Variants in GALNT9 observed in about 807,000 individuals in gnomAD.
GALNT9 encodes GalNAc transferase 9.
In GALNT9, 47 loss-of-function variants were observed where a neutral mutation model predicts 63.1. The ratio of observed to expected loss-of-function variants is 0.75; its 90% CI spans 0.59 to 0.95. GALNT9 has a LOEUF of 0.95. Ranked by LOEUF, GALNT9 falls within the 40% of genes least tolerant of loss-of-function variation. The probability of loss-of-function intolerance (pLI) is 0.00; values close to 1 mark genes in which losing one functional copy is unlikely to be tolerated. For missense variants in GALNT9, 829 were observed against 874.8 expected, an observed-to-expected ratio of 0.95 and a Z score of 0.66; for synonymous variants, 396 against 365.7, an observed-to-expected ratio of 1.08 and a Z score of -0.94.
intron 2 of GALNT9, chr12:132,272,676 A>G (rs536240193): frequency 2.0e-5 from 3 of 152,236 alleles, no homozygotes; most frequent in Non-Finnish European, 2.9e-5. Context: ...TTTTACCCAT[A>G]ATACAGTACC....
chr12:132,197,334 GCT>G, intron 10 of GALNT9, 81 bp from the exon 11 acceptor site: 1 of 1,563,580 alleles, frequency 6.4e-7, no homozygotes, highest in East Asian at 2.3e-5. Flanking sequence ...GCTGCTTCGT[GCT>G]CTCAGCCCTC....
chr12:132,223,041 A>AGACACAC, intron 6 of GALNT9, among the ~76,000 whole-genome samples: 1 of 87,736 alleles, frequency 1.1e-5, no homozygotes, highest in South Asian at 4.3e-4. Flanking sequence ...TACCCCACAC[A>AGACACAC]CACAGACACA....
In GALNT9 at chr12:132,199,203, G is replaced by A. The variant is rs780539565; in HGVS notation, c.1468C>T (p.Leu490Phe). 1 of 1,603,602 alleles carries A rather than the reference G, an allele frequency of 6.2e-7. No individual in the cohort carries two copies. Among genetic ancestry groups the A allele is most frequent in the South Asian group, 1.1e-5 (1 of 91,064 alleles). Reference protein sequence around the residue: ...QGAEDGDRAILYPCHGMSSQL... With the variant: ...QGAEDGDRAIFYPCHGMSSQL... ...GAGGACATCCCGTGGCAGGGGTAGAGGATCGCCCGGTCGCCGTCCTCCGCT... is the reference window on the plus strand; with the variant it reads ...GAGGACATCCCGTGGCAGGGGTAGAAGATCGCCCGGTCGCCGTCCTCCGCT... The change falls in exon 9 of 11, where the codon CTC becomes TTC. Residue 490 changes from leucine (L) to phenylalanine (F), a missense_variant. Leu to Phe is a conservative substitution (Grantham distance 22). Transcript: ENST00000328957.
At chr12:132,285,127 C>A (rs1880538543) in intron 2 of GALNT9, among the ~76,000 whole-genome samples, 1 of 152,242 alleles carries the variant, frequency 6.6e-6, no homozygotes, top group African/African-American at 2.4e-5. Context: ...GCTGACCACA[C>A]CAGGAGCTGC....
chr12:132,197,280 C>G (rs1423031323), intron 10 of GALNT9, 27 bp from the exon 11 acceptor site: 4 of 1,606,372 alleles, frequency 2.5e-6, no homozygotes, highest in Non-Finnish European at 3.4e-6. Context: ...ATCAAGTCAG[C>G]CAGGTGCAGG....
Position 132,329,218 on chromosome 12 carries a change from C to G in GALNT9, c.-15G>C. The G allele has an allele frequency of 6.5e-7, 1 of 1,536,678 alleles. No individual in the cohort carries two copies. Among genetic ancestry groups the G allele is most frequent in the Non-Finnish European group, 8.8e-7 (1 of 1,136,954 alleles). Reference sequence around the variant, plus strand: ...GCCACCGCCATGAACACGGCTGCAGCGGGGGCCTCACCCGCGGGGCATCCC... The same window carrying G: ...GCCACCGCCATGAACACGGCTGCAGGGGGGGCCTCACCCGCGGGGCATCCC... On this transcript the variant is annotated 5_prime_UTR_variant, in exon 1 of 11. Transcript: ENST00000328957.
intron 8 of GALNT9, chr12:132,200,722 A>C: frequency 5.6e-6 from 1 of 178,308 alleles, no homozygotes; most frequent in Non-Finnish European, 1.2e-5. Flanking sequence ...CTCTGTACAC[A>C]CATCTAGGTG....
chr12:132,263,918 G>A (rs1391266436), intron 2 of GALNT9, among the ~76,000 whole-genome samples: 2 of 152,168 alleles, frequency 1.3e-5, no homozygotes, highest in Non-Finnish European at 2.9e-5. Flanking sequence ...GAGGCGTCTC[G>A]GGCCTGGCTG....
chr12:132,216,209 GGA>G (rs557049330), intron 6 of GALNT9, among the ~76,000 whole-genome samples: 34 of 152,220 alleles, frequency 2.2e-4, no homozygotes, highest in African/African-American at 7.9e-4. Flanking sequence ...AGACAGACAC[GGA>G]GAGAGAGACA....
intron 1 of GALNT9, among the ~76,000 whole-genome samples, chr12:132,306,813 C>G (rs868985617): frequency 6.6e-6 from 1 of 152,180 alleles, no homozygotes; most frequent in African/African-American, 2.4e-5. Flanking sequence ...GGCTCACTTC[C>G]GCGCACACCC....
chr12:132,213,080 C>G (rs1208736749), intron 6 of GALNT9, among the ~76,000 whole-genome samples: 37 of 87,088 alleles, frequency 4.2e-4, no homozygotes, highest in Non-Finnish European at 6.6e-4. Flanking sequence ...CCTCAGACCT[C>G]GACACGGAAA....
intron 8 of GALNT9, chr12:132,200,303 A>AG (rs1455082687): frequency 5.9e-5 from 9 of 152,226 alleles, no homozygotes; most frequent in Admixed American, 5.9e-4. Flanking sequence ...GACTGGGGAG[A>AG]GGGCAGAAGA....
intron 6 of GALNT9, among the ~76,000 whole-genome samples, chr12:132,215,666 G>A (rs1035278373): frequency 2.6e-5 from 4 of 152,218 alleles, no homozygotes; most frequent in Admixed American, 2.6e-4. Context: ...GGACACACAT[G>A]CCAACCAGCA....
In GALNT9 at chr12:132,296,404, C is replaced by T. The variant is rs1240444192; in HGVS notation, c.239-9974G>A. 2.6e-5 allele frequency among the ~76,000 whole-genome samples: 4 copies of T among 152,236 alleles called. No homozygotes were observed. Among genetic ancestry groups the T allele is most frequent in the Non-Finnish European group, 4.4e-5 (3 of 68,038 alleles). ...GATGGCCCAGCTGTGGGCTCTTCCCCGGATCTCATGGGTGTCTTCCTGGGC... is the reference window on the plus strand; with the variant it reads ...GATGGCCCAGCTGTGGGCTCTTCCCTGGATCTCATGGGTGTCTTCCTGGGC... On this transcript the variant is annotated intron_variant, in intron 1 of 10. Coordinates refer to ENST00000328957, the MANE Select transcript of GALNT9 (RefSeq NM_001122636.2). The surrounding 1 kb of genome is among the most constrained non-coding windows in gnomAD (Gnocchi z 4.2).
intron 1 of GALNT9, among the ~76,000 whole-genome samples, chr12:132,300,128 C>T (rs1555243701): frequency 2.7e-5 from 4 of 146,586 alleles, no homozygotes; most frequent in East Asian, 4.2e-4. Flanking sequence ...TCCCACCACA[C>T]CTAACCCATC....
chr12:132,297,904 TA>T (rs1264954300), intron 1 of GALNT9, among the ~76,000 whole-genome samples: 1 of 151,738 alleles, frequency 6.6e-6, no homozygotes, highest in East Asian at 1.9e-4. Flanking sequence ...ACTCCCATGA[TA>T]ACCAACTCAC....
chr12:132,253,763 T>G (rs1879011083), intron 5 of GALNT9, among the ~76,000 whole-genome samples: 1 of 152,196 alleles, frequency 6.6e-6, no homozygotes, highest in Non-Finnish European at 1.5e-5. Flanking sequence ...TGGTTATCCC[T>G]GCACCTAAAG....
At position 132,282,120 on chromosome 12, in the gene GALNT9, C is replaced by T. The variant is rs573548111; in HGVS notation, c.419+4130G>A. On this transcript the variant is annotated intron_variant, in intron 2 of 10. Transcript: ENST00000328957. This position sits in a 1 kb window ranked among gnomAD's most constrained non-coding sequence, Gnocchi z 4.5. ...AGGAATCAGCTCCACTACAGCAAGG[C>T]CAGGCCTGGGGGTCCCCGATCCCAC... 3.3e-5 allele frequency among the ~76,000 whole-genome samples: 5 copies of T among 150,158 alleles called. No individual in the cohort carries two copies. In the South Asian group the frequency reaches 6.4e-4, roughly 19 times the overall value.
rs1323787756 is a variant in GALNT9, at chr12:132,197,102, T to TG, written c.*4dup. On this transcript the variant is annotated 3_prime_UTR_variant, in exon 11 of 11. Coordinates refer to ENST00000328957, the MANE Select transcript of GALNT9 (RefSeq NM_001122636.2). ...AGGTCTGTGGGGGTCCGGGCGGAGG[T>TG]GGGGTCAGTGCCGTGCGTGTTTGAT... The TG allele has an allele frequency of 1.2e-6, 2 of 1,613,364 alleles. No individual in the cohort carries two copies. The highest frequency in any genetic ancestry group is 1.7e-6 in the Non-Finnish European group (2 of 1,179,656).
Sources: allele counts gnomAD v4.1 joint callset (sites outside exome capture counted in the v4.1 genomes callset), GRCh38; gene constraint gnomAD v4.1.1; non-coding constraint Gnocchi (gnomAD v3.1); transcripts MANE v1.5; gene names NCBI Gene and HGNC (gene_info 2026-07-23, HGNC 2026-07-21).